The following STX18 variants were observed in gnomAD, a reference collection of about 807,000 sequenced individuals.
The protein encoded by STX18 is syntaxin 18.
A neutral mutation model predicts 50.1 loss-of-function variants in STX18; 40 were observed. That is an observed-to-expected ratio of 0.80 (90% CI 0.62 to 1.04). The LOEUF (loss-of-function observed/expected upper bound fraction) is 1.04, where lower values mean the gene tolerates loss of function less well. Ranked by LOEUF, STX18 falls within the 50% of genes least tolerant of loss-of-function variation. The pLI, the probability that STX18 is intolerant of heterozygous loss-of-function variation, is 0.00. For synonymous variants in STX18, 158 were observed against 151.8 expected (o/e 1.04, Z -0.30); for missense variants, 410 against 415.8 (o/e 0.99, Z 0.12).
intron 1 of STX18, among the ~76,000 whole-genome samples, chr4:4,493,329 A>C (rs1729027821): frequency 6.6e-6 from 1 of 150,764 alleles, no homozygotes; most frequent in African/African-American, 2.4e-5. Flanking sequence ...TAGTCCTACA[A>C]AGAGAAAATT....
chr4:4,534,266 T>G (rs1731232546), intron 1 of STX18, among the ~76,000 whole-genome samples: 1 of 152,202 alleles, frequency 6.6e-6, no homozygotes, highest in African/African-American at 2.4e-5. Context: ...AAAACTCCAG[T>G]GTCCATGGGC....
chr4:4,497,129 T>TC lies in STX18; in HGVS notation c.169-25424dup. Among the ~76,000 whole-genome samples, 3 of 152,064 alleles carry TC rather than the reference T, an allele frequency of 2.0e-5. No individual in the cohort carries two copies. The Middle Eastern group carries it at 0.01, about 517-fold the overall frequency. On this transcript the variant is annotated intron_variant, in intron 1 of 10. Transcript: ENST00000306200. ...GGCCCACGGTGGACACTGTCCAGGC[T>TC]CCCCCTCCGGCTCCAGGGCCAGGCG...
At chr4:4,540,723 T>C (rs1219187202) in intron 1 of STX18, among the ~76,000 whole-genome samples, 1 of 152,216 alleles carries the variant, frequency 6.6e-6, no homozygotes, top group African/African-American at 2.4e-5. Flanking sequence ...CGGTCATCAA[T>C]AGGGCGAGTG....
At chr4:4,436,523 C>T (rs938041709) in intron 6 of STX18, among the ~76,000 whole-genome samples, 6 of 151,938 alleles carry the variant, frequency 3.9e-5, no homozygotes, top group Admixed American at 1.3e-4. Context: ...AAACAGAAAC[C>T]TTGTTCATAT....
intron 2 of STX18, among the ~76,000 whole-genome samples, chr4:4,460,968 C>T (rs779472772): frequency 4.6e-5 from 7 of 152,064 alleles, no homozygotes; most frequent in African/African-American, 7.2e-5. Flanking sequence ...ACCTTCTCAT[C>T]GGAAATAGAG....
intron 1 of STX18, among the ~76,000 whole-genome samples, chr4:4,480,162 TTTC>T: frequency 6.6e-6 from 1 of 152,362 alleles, no homozygotes; most frequent in East Asian, 1.9e-4. Flanking sequence ...TGGAGACTGC[TTTC>T]TTCTTCATAC....
At chr4:4,495,347 T>C (rs910400523) in intron 1 of STX18, among the ~76,000 whole-genome samples, 4 of 152,116 alleles carry the variant, frequency 2.6e-5, no homozygotes, top group Non-Finnish European at 5.9e-5. Flanking sequence ...GGACGCAAGA[T>C]GGCAGCTTTT....
intron 3 of STX18, 78 bp from the exon 4 acceptor site, chr4:4,457,578 C>A (rs1358387370): frequency 3.8e-6 from 4 of 1,061,968 alleles, no homozygotes; most frequent in Non-Finnish European, 5.7e-6. Context: ...CCTCACAACA[C>A]TTTCTTTATT....
intron 1 of STX18, among the ~76,000 whole-genome samples, chr4:4,485,498 T>C (rs1195795737): frequency 1.3e-5 from 2 of 152,188 alleles, no homozygotes; most frequent in East Asian, 3.8e-4. Flanking sequence ...CTGCCATTTC[T>C]TCAGTTGTGA....
At chr4:4,490,055 A>G (rs904041908) in intron 1 of STX18, among the ~76,000 whole-genome samples, 2 of 152,222 alleles carry the variant, frequency 1.3e-5, no homozygotes, top group Non-Finnish European at 2.9e-5. Flanking sequence ...TCATATTGCA[A>G]TGAATTTCAC....
intron 1 of STX18, among the ~76,000 whole-genome samples, chr4:4,514,275 T>C (rs1225513109): frequency 6.6e-6 from 1 of 152,152 alleles, no homozygotes; most frequent in Non-Finnish European, 1.5e-5. Context: ...TCCATAAAAA[T>C]TGCCATAAGT....
chr4:4,525,773 T>A (rs886526438), intron 1 of STX18, among the ~76,000 whole-genome samples: 13 of 152,154 alleles, frequency 8.5e-5, no homozygotes, highest in Admixed American at 7.9e-4. Flanking sequence ...ACAATGTTAT[T>A]ACTAGATAAA....
At chr4:4,465,061 G>C (rs746596151) in intron 2 of STX18, among the ~76,000 whole-genome samples, 9 of 151,964 alleles carry the variant, frequency 5.9e-5, no homozygotes, top group Non-Finnish European at 1.3e-4. Context: ...TTTGATGTGG[G>C]CATTTAGTGC....
In STX18 at chr4:4,420,404, G is replaced by A. The variant is rs1560153094; in HGVS notation, c.913-275C>T. ...CTTCTGTCCCAGGGTTAAGGGCCCCGAGCAGAGTGTGACCGCAAGCTTTGT... is the reference window on the plus strand; with the variant it reads ...CTTCTGTCCCAGGGTTAAGGGCCCCAAGCAGAGTGTGACCGCAAGCTTTGT... On this transcript the variant is annotated intron_variant, in intron 10 of 10. Transcript: ENST00000306200. The surrounding 1 kb of genome is among the most constrained non-coding windows in gnomAD (Gnocchi z 4.3). The A allele has an allele frequency of 4.3e-6, 2 of 462,688 alleles. No homozygotes were observed. The highest frequency in any genetic ancestry group is 7.9e-6 in the Non-Finnish European group (2 of 254,284). 28.7% of individuals were successfully genotyped at this position (462,688 alleles called of 1,614,324 possible).
intron 2 of STX18, among the ~76,000 whole-genome samples, chr4:4,466,056 G>A (rs1326698493): frequency 1.3e-5 from 2 of 152,218 alleles, no homozygotes; most frequent in Non-Finnish European, 2.9e-5. Context: ...AAGAAATGTG[G>A]TAGAAGTGAT....
At chr4:4,495,136 CCTGT>C (rs1729110888) in intron 1 of STX18, among the ~76,000 whole-genome samples, 1 of 152,142 alleles carries the variant, frequency 6.6e-6, no homozygotes, top group East Asian at 1.9e-4. Context: ...ACTTACTTAA[CCTGT>C]CTTTGCCTCA....
At chr4:4,432,457 C>T (rs1161147657) in intron 7 of STX18, among the ~76,000 whole-genome samples, 2 of 152,230 alleles carry the variant, frequency 1.3e-5, no homozygotes, top group Non-Finnish European at 1.5e-5. Flanking sequence ...GGCTCTTCTG[C>T]CTCTTTGTAC....
chr4:4,540,522 T>C (rs1731536457), intron 1 of STX18, among the ~76,000 whole-genome samples: 1 of 152,238 alleles, frequency 6.6e-6, no homozygotes, highest in African/African-American at 2.4e-5. Flanking sequence ...CAAGATTTGT[T>C]TTAGGCATCA....
chr4:4,542,322 T>C, upstream of STX18: 1 of 197,674 alleles, frequency 5.1e-6, no homozygotes, highest in Non-Finnish European at 1.0e-5. Context: ...GCTCCTTCCC[T>C]TCTGGCGGCT....
Sources: allele counts gnomAD v4.1 joint callset (sites outside exome capture counted in the v4.1 genomes callset), GRCh38; gene constraint gnomAD v4.1.1; non-coding constraint Gnocchi (gnomAD v3.1); transcripts MANE v1.5; gene names NCBI Gene and HGNC (gene_info 2026-07-23, HGNC 2026-07-21).